The following VPS13B variants were observed in gnomAD, a reference collection of about 807,000 sequenced individuals.
VPS13B encodes the protein intermembrane lipid transfer protein VPS13B.
In VPS13B, 285 loss-of-function variants were observed where a neutral mutation model predicts 426.4. That is an observed-to-expected ratio of 0.67 (90% CI 0.61 to 0.74). The LOEUF (loss-of-function observed/expected upper bound fraction) is 0.74. VPS13B is among the 30% of genes least tolerant of loss of function. The pLI is 0.00. For missense variants in VPS13B, 4,537 were observed against 4,782.6 expected, an observed-to-expected ratio of 0.95 and a Z score of 1.51; for synonymous variants, 1,676 against 1,676.4, an observed-to-expected ratio of 1.00 and a Z score of 0.01.
At chr8:99,733,434 G>C (rs536808280) in intron 39 of VPS13B, among the ~76,000 whole-genome samples, 3 of 152,158 alleles carry the variant, frequency 2.0e-5, no homozygotes, top group Non-Finnish European at 4.4e-5. Flanking sequence ...GATAATCATA[G>C]CTCATGCCTC....
rs534814174 is a variant in VPS13B at position 99,570,462 on chromosome 8, A to T, written c.4950-5196A>T. ...GATATATCTAAATGCTATTTATCCCACCTATTATGTCTTTAACTTTAGTAA... is the reference window on the plus strand; with the variant it reads ...GATATATCTAAATGCTATTTATCCCTCCTATTATGTCTTTAACTTTAGTAA... On this transcript the variant is annotated intron_variant, in intron 31 of 61. Coordinates refer to ENST00000357162, the MANE Select transcript of VPS13B (RefSeq NM_152564.5). Among the ~76,000 whole-genome samples, 613 of 151,832 alleles carry T rather than the reference A, an allele frequency of 4.0e-3. 5 individuals are homozygous for T. Among genetic ancestry groups the T allele is most frequent in the South Asian group, 8.4e-3 (40 of 4,784 alleles).
intron 19 of VPS13B, 131 bp downstream of exon 19, chr8:99,275,385 C>T (rs1818847305): frequency 2.5e-6 from 2 of 800,094 alleles, no homozygotes; most frequent in Non-Finnish European, 3.7e-6. Flanking sequence ...TGCAGTTGTG[C>T]TTTTTCAAAA....
At chr8:99,818,565 A>G (rs752140783) in intron 46 of VPS13B, 31 bp downstream of exon 46, 22 of 1,610,868 alleles carry the variant, frequency 1.4e-5, no homozygotes, top group Non-Finnish European at 5.9e-6. Context: ...AAAATATGGT[A>G]TATGACTCTG....
At chr8:99,360,108 T>TC (rs952988982) in intron 19 of VPS13B, among the ~76,000 whole-genome samples, 8 of 150,062 alleles carry the variant, frequency 5.3e-5, no homozygotes, top group Admixed American at 4.6e-4. Context: ...AACCTGTTTT[T>TC]TTTTTTTCCT....
chr8:99,522,724 G>A (rs978685585), intron 30 of VPS13B, among the ~76,000 whole-genome samples: 3 of 152,140 alleles, frequency 2.0e-5, no homozygotes, highest in Admixed American at 2.0e-4. Context: ...AATTCTAGAT[G>A]CTGGATGGCA....
In VPS13B at chr8:99,442,343, G is replaced by A. The variant is rs551491710; in HGVS notation, c.3211-58G>A. On this transcript the variant is annotated intron_variant, in intron 22 of 61. Coordinates refer to ENST00000357162, the MANE Select transcript of VPS13B (RefSeq NM_152564.5). ...TTGTTTATTCTGGCGAAGATGTTAG[G>A]TGTTTGAAGGCATATTTAGTCTAAT... is the stretch of plus-strand genomic sequence containing the variant. 41 of 1,430,312 alleles carry A rather than the reference G, an allele frequency of 2.9e-5. No individual in the cohort carries two copies. The South Asian group carries it at 4.5e-4, about 16-fold the overall frequency. 88.6% of individuals were successfully genotyped at this position (1,430,312 alleles called of 1,614,324 possible). A position where few individuals can be genotyped will look rare whatever the true frequency, so the allele number is the denominator to read the frequency against.
intron 31 of VPS13B, among the ~76,000 whole-genome samples, chr8:99,571,543 A>C (rs572705178): frequency 6.6e-6 from 1 of 152,186 alleles, no homozygotes; most frequent in Non-Finnish European, 1.5e-5. Context: ...AATTTATCAC[A>C]TGATGGAGAG....
At chr8:99,510,968 C>T in intron 28 of VPS13B, 136 bp from the exon 29 acceptor site, 1 of 899,640 alleles carries the variant, frequency 1.1e-6, no homozygotes, top group Non-Finnish European at 1.7e-6. Flanking sequence ...CAGAATTGAT[C>T]AGTCATGTGT....
At chr8:99,175,849 A>G (rs1234771784) in intron 16 of VPS13B, among the ~76,000 whole-genome samples, 1 of 152,240 alleles carries the variant, frequency 6.6e-6, no homozygotes, top group African/African-American at 2.4e-5. Context: ...GCTGATAGAA[A>G]TGTAAACAAA....
intron 8 of VPS13B, among the ~76,000 whole-genome samples, chr8:99,129,065 A>G (rs1344631421): frequency 6.6e-6 from 1 of 152,152 alleles, no homozygotes; most frequent in African/African-American, 2.4e-5. Flanking sequence ...AAAAATATAG[A>G]GAATAAATTT....
chr8:99,108,804 G>A (rs1014800992), intron 5 of VPS13B, among the ~76,000 whole-genome samples: 1 of 151,924 alleles, frequency 6.6e-6, no homozygotes, highest in African/African-American at 2.4e-5. Flanking sequence ...TTTTTCTTAT[G>A]TCTGTGAAAA....
chr8:99,841,949 C>T (rs1815707224), intron 54 of VPS13B, among the ~76,000 whole-genome samples: 2 of 152,110 alleles, frequency 1.3e-5, no homozygotes, highest in Admixed American at 1.3e-4. Context: ...GAACCCAGTC[C>T]ACCAGGTTGC....
intron 29 of VPS13B, among the ~76,000 whole-genome samples, chr8:99,513,143 G>A (rs1024723001): frequency 6.6e-6 from 1 of 151,602 alleles, no homozygotes; most frequent in Non-Finnish European, 1.5e-5. Flanking sequence ...AAAATTCTAG[G>A]TATAGTTTTT....
intron 15 of VPS13B, among the ~76,000 whole-genome samples, chr8:99,167,250 CA>C (rs1297792645): frequency 2.0e-5 from 3 of 152,044 alleles, no homozygotes; most frequent in Non-Finnish European, 2.9e-5. Flanking sequence ...TTATGCTGTA[CA>C]ACCCTAGTTA....
At chr8:99,506,132 G>C (rs991767370) in intron 27 of VPS13B, among the ~76,000 whole-genome samples, 3 of 152,118 alleles carry the variant, frequency 2.0e-5, no homozygotes, top group African/African-American at 7.2e-5. Flanking sequence ...TTGGTATAGA[G>C]ATATACAATA....
At chr8:99,103,422 C>T (rs767341688) in intron 5 of VPS13B, among the ~76,000 whole-genome samples, 5 of 151,580 alleles carry the variant, frequency 3.3e-5, no homozygotes, top group Non-Finnish European at 5.9e-5. Context: ...CTCTGCCTCC[C>T]GGGCTCAAAC....
intron 30 of VPS13B, among the ~76,000 whole-genome samples, chr8:99,532,077 ATTC>A (rs1216048849): frequency 1.3e-5 from 2 of 152,138 alleles, no homozygotes; most frequent in Non-Finnish European, 2.9e-5. Flanking sequence ...AGAGAAGTAT[ATTC>A]TTCTTGTAAT....
chr8:99,055,051 T>TTA (rs1554587204), intron 3 of VPS13B, among the ~76,000 whole-genome samples: 1 of 151,180 alleles, frequency 6.6e-6, no homozygotes, highest in African/African-American at 2.4e-5. Context: ...TTTGTTTTTT[T>TTA]TTTTGTTACA....
At chr8:99,050,255 A>G (rs184845435) in intron 3 of VPS13B, among the ~76,000 whole-genome samples, 220 of 151,818 alleles carry the variant, frequency 1.4e-3, no homozygotes, top group Non-Finnish European at 2.6e-3. Flanking sequence ...TCATTGTTCA[A>G]TTCCCACCTA....
Sources: allele counts gnomAD v4.1 joint callset (sites outside exome capture counted in the v4.1 genomes callset), GRCh38; gene constraint gnomAD v4.1.1; transcripts MANE v1.5; gene names NCBI Gene and HGNC (gene_info 2026-07-23, HGNC 2026-07-21).